The following MYO5A variants were observed in gnomAD, a reference collection of about 807,000 sequenced individuals.
MYO5A encodes the protein myosin VA, also known as unconventional myosin-Va.
MYO5A carries 98 observed loss-of-function variants against 249.7 expected under a neutral mutation model. That is an observed-to-expected ratio of 0.39 (90% CI 0.33 to 0.46). MYO5A has a LOEUF of 0.46. Among genes scored for constraint, MYO5A ranks in the 20% least tolerant of loss-of-function variants. The probability of loss-of-function intolerance (pLI) is 0.98; values close to 1 mark genes in which losing one functional copy is unlikely to be tolerated. For missense variants in MYO5A, 1,696 were observed against 2,308.8 expected (o/e 0.73, Z 5.44); for synonymous variants, 778 against 810.6 (o/e 0.96, Z 0.68).
At chr15:52,314,466 A>C (rs1596262321) in intron 40 of MYO5A, among the ~76,000 whole-genome samples, 1 of 152,368 alleles carries the variant, frequency 6.6e-6, no homozygotes, top group South Asian at 2.1e-4. Flanking sequence ...AGAGAATAAA[A>C]CATGAAAAAT....
chr15:52,313,616 A>G lies in MYO5A; in HGVS notation c.*80T>C. ...ATCAGTACTTTCTCTTTAAAAATGTATTTTCAGTAACTCACTGGAAATAAT... is the reference window on the plus strand; with the variant it reads ...ATCAGTACTTTCTCTTTAAAAATGTGTTTTCAGTAACTCACTGGAAATAAT... On this transcript the variant is annotated 3_prime_UTR_variant, in exon 42 of 42. Transcript: ENST00000399233. 7 of 1,541,716 alleles carry G rather than the reference A, an allele frequency of 4.5e-6. No homozygotes were observed. The highest frequency in any genetic ancestry group is 6.3e-6 in the Non-Finnish European group (7 of 1,116,922).
chr15:52,467,714 A>G (rs536442737), intron 1 of MYO5A, among the ~76,000 whole-genome samples: 4 of 152,296 alleles, frequency 2.6e-5, no homozygotes, highest in African/African-American at 7.2e-5. Context: ...TCACCACAGC[A>G]TATTATCATC....
At position 52,367,060 on chromosome 15, in the gene MYO5A, C is replaced by A. The variant is rs577978373; in HGVS notation, c.3131G>T (p.Arg1044Leu). ...LKQEKEALNH[R>L]IVQQAKEMTE... Reference sequence around the variant, plus strand: ...CATCTCCTTAGCCTGCTGCACGATGCGGTGATTGAGGGCTTCTTTTTCTTG... The same window carrying A: ...CATCTCCTTAGCCTGCTGCACGATGAGGTGATTGAGGGCTTCTTTTTCTTG... Residue 1044 changes from arginine to leucine, a missense_variant, in exon 23 of 42, where the codon CGC (arginine) becomes CTC (leucine). By Grantham distance (102) the Arg-to-Leu change is moderately radical. Transcript: ENST00000399233. 4.3e-6 allele frequency: 7 copies of A among 1,613,734 alleles called. No homozygotes were observed. Among genetic ancestry groups the A allele is most frequent in the Non-Finnish European group, 5.9e-6 (7 of 1,179,726 alleles).
chr15:52,447,682 A>G (rs1395574063), intron 1 of MYO5A, among the ~76,000 whole-genome samples: 2 of 152,204 alleles, frequency 1.3e-5, no homozygotes, highest in Non-Finnish European at 2.9e-5. Context: ...GGATATGCAC[A>G]GTGAAGGCAA....
At chr15:52,327,015 C>G (rs941121675) in intron 36 of MYO5A, among the ~76,000 whole-genome samples, 1 of 152,170 alleles carries the variant, frequency 6.6e-6, no homozygotes, top group African/African-American at 2.4e-5. Context: ...TTTTCCAAGT[C>G]TTTCCTCTCT....
chr15:52,483,363 G>A (rs966026193), intron 1 of MYO5A, among the ~76,000 whole-genome samples: 1 of 152,126 alleles, frequency 6.6e-6, no homozygotes, highest in Admixed American at 6.5e-5. Context: ...AGGTCAACAG[G>A]GAGAGTGAGG....
chr15:52,405,042 C>G (rs2042937577), intron 9 of MYO5A, among the ~76,000 whole-genome samples: 1 of 96,350 alleles, frequency 1.0e-5, no homozygotes, highest in African/African-American at 3.6e-5. Flanking sequence ...CTCTTTCTCT[C>G]TCTCTCTGTC....
intron 1 of MYO5A, among the ~76,000 whole-genome samples, chr15:52,456,244 T>C (rs894700513): frequency 1.3e-5 from 2 of 151,934 alleles, no homozygotes; most frequent in Non-Finnish European, 2.9e-5. Flanking sequence ...ACCTAGAAAT[T>C]AACTTAACCA....
intron 34 of MYO5A, among the ~76,000 whole-genome samples, chr15:52,332,590 T>A (rs1392687733): frequency 6.6e-6 from 1 of 152,216 alleles, no homozygotes. Context: ...GGGACTTAAG[T>A]CTTTGCAAAG....
chr15:52,509,348 G>A (rs549868037), intron 1 of MYO5A, among the ~76,000 whole-genome samples: 1 of 152,136 alleles, frequency 6.6e-6, no homozygotes, highest in Non-Finnish European at 1.5e-5. Flanking sequence ...TCACATATAA[G>A]AAAGGATCTT....
rs1047664959 is a variant in MYO5A at position 52,313,494 on chromosome 15, T to C, written c.*202A>G. 1.5e-6 allele frequency: 1 copy of C among 653,916 alleles called. No individual in the cohort carries two copies. The highest frequency in any genetic ancestry group is 2.6e-6 in the Non-Finnish European group (1 of 385,094). 40.5% of individuals were successfully genotyped at this position (653,916 alleles called of 1,614,324 possible). A position where few individuals can be genotyped will look rare whatever the true frequency, so the allele number is the denominator to read the frequency against. On this transcript the variant is annotated 3_prime_UTR_variant, in exon 42 of 42. Transcript: ENST00000399233. Reference sequence around the variant, plus strand: ...AGTTGGTTAAGGATGAGTGTTGCTATAAAGATAACACAGCACGAAAGAGCC... The same window carrying C: ...AGTTGGTTAAGGATGAGTGTTGCTACAAAGATAACACAGCACGAAAGAGCC...
In MYO5A at chr15:52,391,983, T is replaced by G. The variant is rs761946288; in HGVS notation, c.1489A>C (p.Asn497His). The part of the protein sequence containing the change: ...IDFYDNQPCI[N>H]LIESKLGILD... ...ATGCCTAGTTTTGATTCTATAAGAT[T>G]AATACAAGGCTGATTATCATAAAAA... is the stretch of plus-strand genomic sequence containing the variant. Residue 497 changes from asparagine to histidine, a missense_variant, in exon 12 of 42, where the codon AAT (asparagine) becomes CAT (histidine). Asn to His is a moderately conservative substitution (Grantham distance 68, BLOSUM62 1). Transcript: ENST00000399233. 3 of 1,612,082 alleles carry G rather than the reference T, an allele frequency of 1.9e-6. No individual in the cohort carries two copies. Among genetic ancestry groups the G allele is most frequent in the Middle Eastern group, 3.3e-4 (2 of 6,056 alleles).
rs1235445778 is a variant in MYO5A, at chr15:52,405,407, G to A, written c.947-14C>T. 1.3e-6 allele frequency: 2 copies of A among 1,550,620 alleles called. No homozygotes were observed. The highest frequency in any genetic ancestry group is 3.3e-5 in the Admixed American group (2 of 59,882). ...ATTCACTAATTCCTGAAACAAGAGA[G>A]TGAATGAACAAGTGATTAATTTCAG... On this transcript the variant is annotated splice_polypyrimidine_tract_variant and intron_variant, in intron 8 of 41. Coordinates refer to ENST00000399233, the MANE Select transcript of MYO5A (RefSeq NM_001382347.1).
chr15:52,422,945 C>A (rs946021555), intron 4 of MYO5A, among the ~76,000 whole-genome samples: 2 of 152,138 alleles, frequency 1.3e-5, no homozygotes, highest in Non-Finnish European at 2.9e-5. Context: ...AGTGTGGTAG[C>A]ACAATCGTAG....
chr15:52,464,912 C>T (rs1239707747), intron 1 of MYO5A, among the ~76,000 whole-genome samples: 3 of 152,162 alleles, frequency 2.0e-5, no homozygotes, highest in African/African-American at 4.8e-5. Context: ...TCACATTTAG[C>T]CTGTAGACAG....
At chr15:52,500,215 T>G (rs555738661) in intron 1 of MYO5A, among the ~76,000 whole-genome samples, 1 of 152,312 alleles carries the variant, frequency 6.6e-6, no homozygotes, top group South Asian at 2.1e-4. Flanking sequence ...ATAATAGGCA[T>G]GAAATGATAT....
chr15:52,334,739 C>A (rs2039037500), intron 34 of MYO5A, among the ~76,000 whole-genome samples: 1 of 152,170 alleles, frequency 6.6e-6, no homozygotes, highest in Admixed American at 6.5e-5. Context: ...CAAAGGGAAA[C>A]AGAGATGTTT....
chr15:52,415,403 C>G (rs1205189143), intron 5 of MYO5A, among the ~76,000 whole-genome samples: 1 of 152,188 alleles, frequency 6.6e-6, no homozygotes, highest in Non-Finnish European at 1.5e-5. Flanking sequence ...CTAAAACACT[C>G]AAATTCTCAC....
At chr15:52,520,667 G>C (rs531302008) in intron 1 of MYO5A, among the ~76,000 whole-genome samples, 6 of 152,068 alleles carry the variant, frequency 3.9e-5, no homozygotes, top group Non-Finnish European at 8.8e-5. Context: ...AGCTGTGGCT[G>C]GTAAACTGAC....
Sources: gnomAD v4.1 joint callset for allele counts (sites outside exome capture counted in the v4.1 genomes callset) on GRCh38, gnomAD v4.1.1 for gene constraint, MANE v1.5 for transcripts, NCBI Gene and HGNC (gene_info 2026-07-23, HGNC 2026-07-21) for gene names.